PRMT3: variants seen among roughly 807,000 people sequenced by gnomAD.
PRMT3 encodes the protein protein arginine N-methyltransferase 3.
Under a neutral mutation model 71.9 loss-of-function variants are expected in PRMT3, and 62 were observed. The ratio of observed to expected loss-of-function variants is 0.86; its 90% CI spans 0.70 to 1.07. The LOEUF (loss-of-function observed/expected upper bound fraction) is 1.07. Ranked by LOEUF, PRMT3 falls within the 50% of genes least tolerant of loss-of-function variation. The pLI is 0.00. For missense variants in PRMT3, 663 were observed against 643.0 expected (o/e 1.03, Z -0.34); for synonymous variants, 213 against 220.4 (o/e 0.97, Z 0.30).
intron 13 of PRMT3, among the ~76,000 whole-genome samples, chr11:20,476,101 G>A (rs887137899): frequency 1.3e-5 from 2 of 151,892 alleles, no homozygotes; most frequent in African/African-American, 2.4e-5. Context: ...TGTAATTCTA[G>A]CACTTTGGGA....
chr11:20,467,072 T>C (rs1033798733), intron 13 of PRMT3, among the ~76,000 whole-genome samples: 4 of 152,194 alleles, frequency 2.6e-5, no homozygotes, highest in Admixed American at 2.0e-4. Flanking sequence ...TACAGGTGTC[T>C]AGTTACTGCT....
chr11:20,469,999 A>T (rs79781083), intron 13 of PRMT3, among the ~76,000 whole-genome samples: 436 of 152,142 alleles, frequency 2.9e-3, no homozygotes, highest in South Asian at 4.8e-3. Flanking sequence ...AATGAGGGGG[A>T]TATATGTGAA....
At chr11:20,444,617 T>C (rs1415824121) in intron 10 of PRMT3, among the ~76,000 whole-genome samples, 3 of 152,194 alleles carry the variant, frequency 2.0e-5, no homozygotes, top group Admixed American at 6.5e-5. Context: ...GAGAACATGC[T>C]CTATATGCTA....
At chr11:20,445,188 G>A (rs932325431) in intron 10 of PRMT3, among the ~76,000 whole-genome samples, 2 of 151,642 alleles carry the variant, frequency 1.3e-5, no homozygotes, top group Admixed American at 6.6e-5. Flanking sequence ...AAAAAAATCA[G>A]TTTCACTTTT....
chr11:20,453,718 T>C (rs1339828480), intron 11 of PRMT3, among the ~76,000 whole-genome samples: 3 of 152,186 alleles, frequency 2.0e-5, no homozygotes, highest in African/African-American at 7.2e-5. Context: ...CTTTCTATGA[T>C]TGCAGTGGCT....
At chr11:20,493,873 T>C (rs1358896970) in intron 13 of PRMT3, 46 bp from the exon 14 acceptor site, 4 of 1,269,818 alleles carry the variant, frequency 3.2e-6, no homozygotes, top group Non-Finnish European at 4.5e-6. Context: ...TATTATATTA[T>C]GTAATTCATT....
chr11:20,484,470 A>G (rs1450672883), intron 13 of PRMT3, among the ~76,000 whole-genome samples: 1 of 152,068 alleles, frequency 6.6e-6, no homozygotes, highest in African/African-American at 2.4e-5. Context: ...GGGATCCAGT[A>G]AGAGGTAATT....
chr11:20,413,970 T>C (rs1268766890), intron 9 of PRMT3, among the ~76,000 whole-genome samples: 1 of 152,154 alleles, frequency 6.6e-6, no homozygotes, highest in Non-Finnish European at 1.5e-5. Context: ...CAAGCCTACA[T>C]CTATAAAAGG....
intron 11 of PRMT3, among the ~76,000 whole-genome samples, chr11:20,452,984 T>C (rs1321157334): frequency 6.6e-6 from 1 of 152,166 alleles, no homozygotes; most frequent in African/African-American, 2.4e-5. Context: ...AATGGCATGT[T>C]CCTCCTTCAC....
At chr11:20,431,984 A>G (rs1849664102) in intron 10 of PRMT3, among the ~76,000 whole-genome samples, 1 of 152,116 alleles carries the variant, frequency 6.6e-6, no homozygotes, top group Admixed American at 6.5e-5. Flanking sequence ...TTTCATAGAT[A>G]TGCTAACATC....
intron 13 of PRMT3, among the ~76,000 whole-genome samples, chr11:20,469,706 A>G (rs1016960865): frequency 6.6e-6 from 1 of 152,138 alleles, no homozygotes; most frequent in African/African-American, 2.4e-5. Flanking sequence ...AAAATTTTAG[A>G]TTTTGGAGCA....
chr11:20,390,540 A>G (rs1848690780), intron 3 of PRMT3, among the ~76,000 whole-genome samples: 1 of 152,260 alleles, frequency 6.6e-6, no homozygotes, highest in Admixed American at 6.5e-5. Context: ...AAAGTTCGGT[A>G]GAGACTGGAA....
rs547057240 is a variant in PRMT3 at position 20,458,316 on chromosome 11, T to G, written c.1073-3664T>G. Among the ~76,000 whole-genome samples, 3 of 152,192 alleles carry G rather than the reference T, an allele frequency of 2.0e-5. No individual in the cohort carries two copies. In the South Asian group the frequency reaches 6.2e-4, roughly 32 times the overall value. On this transcript the variant is annotated intron_variant, in intron 11 of 15. Transcript: ENST00000331079. The stretch of plus-strand genomic sequence containing the variant: ...AATTGTTTCTTTATGCATCTCTATC[T>G]TATCCTTTAGTGTCCAAAAGTTTAT...
At chr11:20,437,294 C>T (rs1341198043) in intron 10 of PRMT3, among the ~76,000 whole-genome samples, 3 of 151,868 alleles carry the variant, frequency 2.0e-5, no homozygotes, top group African/African-American at 7.3e-5. Flanking sequence ...TATTTCTTTC[C>T]TTCTACTTTG....
At chr11:20,403,455 A>G (rs183163968) in intron 8 of PRMT3, among the ~76,000 whole-genome samples, 1 of 152,108 alleles carries the variant, frequency 6.6e-6, no homozygotes, top group Admixed American at 6.5e-5. Context: ...TTAATACTTT[A>G]TTTACCCCAT....
chr11:20,434,795 T>G (rs1054284011), intron 10 of PRMT3, among the ~76,000 whole-genome samples: 1 of 152,240 alleles, frequency 6.6e-6, no homozygotes, highest in Admixed American at 6.5e-5. Flanking sequence ...CCCTGTGGTA[T>G]AGTTTGAAGT....
chr11:20,439,296 C>T (rs1045007461), intron 10 of PRMT3, among the ~76,000 whole-genome samples: 1 of 140,738 alleles, frequency 7.1e-6, no homozygotes, highest in Non-Finnish European at 1.5e-5. Flanking sequence ...CTCTTGCTTA[C>T]CTCCTTGCCA....
chr11:20,461,445 G>A (rs1850380574), intron 11 of PRMT3, among the ~76,000 whole-genome samples: 1 of 152,134 alleles, frequency 6.6e-6, no homozygotes, highest in Non-Finnish European at 1.5e-5. Context: ...ATAGTGATAT[G>A]TGTCCATAGT....
In PRMT3 at chr11:20,389,742, A is replaced by G. The variant is rs760438874; in HGVS notation, c.165-2A>G. On this transcript the variant is annotated splice_acceptor_variant, in intron 2 of 15. Coordinates refer to ENST00000331079, the MANE Select transcript of PRMT3 (RefSeq NM_005788.4). LOFTEE classifies it high-confidence loss of function. ...CCATGAAGCTATTGCTTGATTTTTC[A>G]GGTTATTCACATCTGCTGAAGAAAC... 1 of 1,601,726 alleles carries G rather than the reference A, an allele frequency of 6.2e-7. No individual in the cohort carries two copies. Among genetic ancestry groups the G allele is most frequent in the Non-Finnish European group, 8.5e-7 (1 of 1,170,044 alleles).
Sources: gnomAD v4.1 joint callset for allele counts (sites outside exome capture counted in the v4.1 genomes callset) on GRCh38, gnomAD v4.1.1 for gene constraint, MANE v1.5 for transcripts, NCBI Gene and HGNC (gene_info 2026-07-23, HGNC 2026-07-21) for gene names.